The following HECW1 variants were observed in gnomAD, a reference collection of about 807,000 sequenced individuals.
HECW1 encodes the protein E3 ubiquitin-protein ligase HECW1.
HECW1 carries 61 observed loss-of-function variants against 182.3 expected under a neutral mutation model. The ratio of observed to expected loss-of-function variants is 0.33; its 90% CI spans 0.27 to 0.41. The LOEUF (loss-of-function observed/expected upper bound fraction) is 0.41, where lower values mean the gene tolerates loss of function less well. HECW1 is among the 10% of genes least tolerant of loss of function. The pLI is 1.00. For synonymous variants in HECW1, 859 were observed against 832.6 expected, an observed-to-expected ratio of 1.03 and a Z score of -0.55; for missense variants, 1,739 against 2,108.9, an observed-to-expected ratio of 0.82 and a Z score of 3.44.
chr7:43,331,592 CAA>C (rs71562088), intron 5 of HECW1, among the ~76,000 whole-genome samples: 6 of 123,724 alleles, frequency 4.8e-5, no homozygotes, highest in African/African-American at 9.6e-5. Context: ...GACTCTGTCT[CAA>C]AAAAAAAAAA....
chr7:43,525,501 A>G (rs1207830338), intron 24 of HECW1, among the ~76,000 whole-genome samples: 1 of 152,168 alleles, frequency 6.6e-6, no homozygotes, highest in Non-Finnish European at 1.5e-5. Flanking sequence ...AACAACAGAA[A>G]CTGGAATGAC....
At chr7:43,500,509 G>A (rs17172216) in intron 19 of HECW1, among the ~76,000 whole-genome samples, 190 bp from the exon 20 acceptor site, 16,700 of 152,166 alleles carry the variant, frequency 0.11, 1,067 homozygotes, top group Middle Eastern at 0.22. Flanking sequence ...GTGCAAGTCT[G>A]TAGAAAAGCC....
chr7:43,500,260 T>C (rs2079292883), intron 19 of HECW1, among the ~76,000 whole-genome samples: 1 of 151,968 alleles, frequency 6.6e-6, no homozygotes, highest in South Asian at 2.1e-4. Context: ...ACACCACACC[T>C]GGCTAATTTT....
chr7:43,554,418 T>C (rs527242120), intron 28 of HECW1, among the ~76,000 whole-genome samples, 174 bp from the exon 29 acceptor site: 1 of 152,360 alleles, frequency 6.6e-6, no homozygotes, highest in Admixed American at 6.5e-5. Flanking sequence ...TTCTAAAACT[T>C]GACCTGGTTG....
intron 20 of HECW1, among the ~76,000 whole-genome samples, 197 bp from the exon 21 acceptor site, chr7:43,501,016 A>T (rs1396283418): frequency 1.3e-5 from 2 of 152,194 alleles, no homozygotes; most frequent in Non-Finnish European, 2.9e-5. Context: ...TTGTTGTAGG[A>T]TTAATCAAGG....
At chr7:43,145,146 A>G (rs1788562279) in intron 2 of HECW1, among the ~76,000 whole-genome samples, 2 of 152,064 alleles carry the variant, frequency 1.3e-5, no homozygotes, top group Non-Finnish European at 2.9e-5. Flanking sequence ...TTTTTAAGGT[A>G]TTTTTCCTTA....
rs570951182 is a variant in HECW1 at position 43,139,108 on chromosome 7, G to T, written c.-32+24717G>T. ...TTTGTTTCCATCTCCATTTTATTAT[G>T]ATATCTTCTTTATTCTTAATGAGCA... On this transcript the variant is annotated intron_variant, in intron 2 of 29. Transcript: ENST00000395891. 5.9e-5 allele frequency among the ~76,000 whole-genome samples: 9 copies of T among 151,708 alleles called. No individual in the cohort carries two copies. The East Asian group carries it at 1.6e-3, about 26-fold the overall frequency.
At chr7:43,415,984 A>G (rs7794492) in intron 8 of HECW1, among the ~76,000 whole-genome samples, 18,060 of 138,182 alleles carry the variant, frequency 0.13, 1,040 homozygotes, top group African/African-American at 0.18. Flanking sequence ...ATGTCCTCCC[A>G]TAGCTCAGAG....
At position 43,335,787 on chromosome 7, in the gene HECW1, C is replaced by T. The variant is rs78981700; in HGVS notation, c.460+15045C>T. On this transcript the variant is annotated intron_variant, in intron 5 of 29. Coordinates refer to ENST00000395891, the MANE Select transcript of HECW1 (RefSeq NM_015052.5). ...TTTCTTTTTTCTTTCTTCCTTTCTT[C>T]CTTCCTTCCTTCCATCTCTTTCCTT... Among the ~76,000 whole-genome samples the T allele has an allele frequency of 1.5e-4, 6 of 40,144 alleles. No homozygotes were observed. In the South Asian group the frequency reaches 3.9e-3, roughly 26 times the overall value. The allele number at this position is 40,144 out of a possible 152,430, so 26.3% of individuals were successfully genotyped here.
At chr7:43,267,528 T>TA (rs903218653) in intron 3 of HECW1, among the ~76,000 whole-genome samples, 8 of 150,028 alleles carry the variant, frequency 5.3e-5, no homozygotes, top group East Asian at 1.9e-4. Flanking sequence ...TGTGTTCAAG[T>TA]AAAAAAAAAT....
intron 3 of HECW1, among the ~76,000 whole-genome samples, chr7:43,311,273 C>G (rs2152772094): frequency 6.6e-6 from 1 of 152,300 alleles, no homozygotes; most frequent in Non-Finnish European, 1.5e-5. Flanking sequence ...GACTGCCTCA[C>G]CCAGCAGGGA....
At chr7:43,363,952 G>C (rs67732910) in intron 6 of HECW1, among the ~76,000 whole-genome samples, 15,219 of 152,104 alleles carry the variant, frequency 0.1, 994 homozygotes, top group East Asian at 0.22. Flanking sequence ...TTGCAGTCTC[G>C]TCTGGGGACT....
chr7:43,294,701 G>A (rs866519564), intron 3 of HECW1, among the ~76,000 whole-genome samples: 1 of 152,180 alleles, frequency 6.6e-6, no homozygotes, highest in South Asian at 2.1e-4. Flanking sequence ...TTGTGCAGCA[G>A]GTGGAAGAGA....
chr7:43,554,279 C>G (rs530814174), intron 28 of HECW1, among the ~76,000 whole-genome samples: 1 of 152,250 alleles, frequency 6.6e-6, no homozygotes, highest in Non-Finnish European at 1.5e-5. Flanking sequence ...TACTCCTTAT[C>G]TACACCTATA....
At chr7:43,375,216 G>A (rs534158934) in intron 6 of HECW1, among the ~76,000 whole-genome samples, 2 of 152,148 alleles carry the variant, frequency 1.3e-5, no homozygotes, top group South Asian at 2.1e-4. Context: ...CGGACGCCTG[G>A]AAAATAGCAA....
chr7:43,494,225 A>G (rs2079034070), intron 19 of HECW1, among the ~76,000 whole-genome samples: 1 of 151,932 alleles, frequency 6.6e-6, no homozygotes. Flanking sequence ...CTACCCTCCC[A>G]GCTGTCCCTG....
chr7:43,483,548 T>A (rs992006447), intron 17 of HECW1, among the ~76,000 whole-genome samples: 2 of 49,254 alleles, frequency 4.1e-5, no homozygotes, highest in African/African-American at 1.2e-4. Context: ...ATGCAAACTC[T>A]TTTTTTTTTT....
chr7:43,493,056 A>C lies in HECW1; in HGVS notation c.3341-28A>C, dbSNP rs1414302999. 3.3e-6 allele frequency: 5 copies of C among 1,529,700 alleles called. No individual in the cohort carries two copies. The Admixed American group carries it at 6.7e-5, about 21-fold the overall frequency. The allele number at this position is 1,529,700 out of a possible 1,614,324, so 94.8% of individuals were successfully genotyped here. ...TGATTATCTCTGGGCTGCAGACTCA[A>C]CCACAACTGTGCTTTTGTCTGTTTC... On this transcript the variant is annotated intron_variant, in intron 18 of 29. Transcript: ENST00000395891.
chr7:43,293,219 C>CAAAAAAAAAAA (rs34748611), intron 3 of HECW1, among the ~76,000 whole-genome samples: 2 of 76,574 alleles, frequency 2.6e-5, no homozygotes, highest in African/African-American at 4.3e-5. Context: ...GACTATGTCT[C>CAAAAAAAAAAA]AAAAAAAAAA....
Sources: allele counts gnomAD v4.1 joint callset (sites outside exome capture counted in the v4.1 genomes callset), GRCh38; gene constraint gnomAD v4.1.1; transcripts MANE v1.5; gene names NCBI Gene and HGNC (gene_info 2026-07-23, HGNC 2026-07-21).